KLF12: variants seen among roughly 807,000 people sequenced by gnomAD.
KLF12 encodes the protein KLF transcription factor 12.
KLF12 carries 9 observed loss-of-function variants against 37.8 expected under a neutral mutation model. The observed-to-expected ratio is 0.24, with a 90% confidence interval of 0.14 to 0.42. The LOEUF (loss-of-function observed/expected upper bound fraction) is 0.42. Ranked by LOEUF, KLF12 falls within the 10% of genes least tolerant of loss-of-function variation. The pLI is 1.00. For missense variants in KLF12, 411 were observed against 516.0 expected, an observed-to-expected ratio of 0.80 and a Z score of 1.97; for synonymous variants, 208 against 202.1, an observed-to-expected ratio of 1.03 and a Z score of -0.25.
At chr13:73,761,835 G>A (rs1879577128) in intron 6 of KLF12, among the ~76,000 whole-genome samples, 3 of 152,284 alleles carry the variant, frequency 2.0e-5, no homozygotes, top group South Asian at 4.1e-4. Context: ...AGGAAGGCAT[G>A]CTCACTTCCA....
At chr13:73,907,499 T>G (rs1052881323) in intron 3 of KLF12, among the ~76,000 whole-genome samples, 1 of 152,138 alleles carries the variant, frequency 6.6e-6, no homozygotes, top group Admixed American at 6.5e-5. Context: ...ATTTGTCCAC[T>G]CTCCTCAGCT....
chr13:73,842,825 C>A (rs1475901038), intron 4 of KLF12, among the ~76,000 whole-genome samples: 1 of 151,684 alleles, frequency 6.6e-6, no homozygotes, highest in Non-Finnish European at 1.5e-5. Flanking sequence ...ACTGGCTCAC[C>A]GCCCAGCTGC....
chr13:74,217,481 C>T, the KLF12 span, among the ~76,000 whole-genome samples: 2 of 152,018 alleles, frequency 1.3e-5, no homozygotes, highest in East Asian at 1.9e-4. Context: ...GCAATCCTAG[C>T]ACTTTGGGAG....
At chr13:74,189,535 C>A in the KLF12 span, among the ~76,000 whole-genome samples, 1 of 152,188 alleles carries the variant, frequency 6.6e-6, no homozygotes, top group Non-Finnish European at 1.5e-5. Flanking sequence ...CCTCTGCTAA[C>A]TGTGGGAAGA....
chr13:73,708,663 A>G (rs1052977216), intron 7 of KLF12, among the ~76,000 whole-genome samples: 1 of 152,178 alleles, frequency 6.6e-6, no homozygotes, highest in Admixed American at 6.5e-5. Flanking sequence ...TTTATTTTTT[A>G]GAAAATAGTG....
intron 1 of KLF12, among the ~76,000 whole-genome samples, chr13:74,025,834 T>C (rs1254489537): frequency 6.6e-6 from 1 of 152,210 alleles, no homozygotes; most frequent in African/African-American, 2.4e-5. Context: ...AGCTAAATGA[T>C]GAGCCCAGGT....
chr13:74,208,515 G>A, the KLF12 span, among the ~76,000 whole-genome samples: 10 of 152,102 alleles, frequency 6.6e-5, no homozygotes, highest in Admixed American at 5.9e-4. Context: ...TATTATAATA[G>A]CAAGTAAATT....
At chr13:74,089,206 A>T (rs917533243) in intron 1 of KLF12, among the ~76,000 whole-genome samples, 3 of 152,196 alleles carry the variant, frequency 2.0e-5, no homozygotes, top group African/African-American at 7.2e-5. Flanking sequence ...CACAGAGTCA[A>T]GGAAAACTTC....
intron 1 of KLF12, among the ~76,000 whole-genome samples, chr13:74,007,101 C>T (rs1593824800): frequency 5.9e-5 from 9 of 152,128 alleles, no homozygotes; most frequent in Admixed American, 5.9e-4. Flanking sequence ...CATCTCCTCA[C>T]GTAGACACAA....
At chr13:73,949,212 T>C (rs1290393835) in intron 2 of KLF12, among the ~76,000 whole-genome samples, 1 of 152,160 alleles carries the variant, frequency 6.6e-6, no homozygotes, top group Non-Finnish European at 1.5e-5. Flanking sequence ...CTCACTTACC[T>C]TTCTCTATAT....
At chr13:73,784,631 C>CTTT (rs555038538) in intron 5 of KLF12, among the ~76,000 whole-genome samples, 3 of 136,840 alleles carry the variant, frequency 2.2e-5, no homozygotes, top group African/African-American at 5.5e-5. Flanking sequence ...TCCTCATCTC[C>CTTT]TTTTTTTTTT....
intron 1 of KLF12, among the ~76,000 whole-genome samples, chr13:74,051,341 A>AACAC (rs10678885): frequency 0.31 from 44,576 of 143,538 alleles, 6,871 homozygotes; most frequent in Non-Finnish European, 0.34. Context: ...TACACACACA[A>AACAC]ACACACACAC....
chr13:74,183,581 C>T, the KLF12 span, among the ~76,000 whole-genome samples: 3 of 151,820 alleles, frequency 2.0e-5, no homozygotes, highest in Admixed American at 6.6e-5. Flanking sequence ...TTCCCTGCTT[C>T]AGGATAATTT....
chr13:73,792,310 T>C (rs1259848345), intron 5 of KLF12, among the ~76,000 whole-genome samples: 1 of 152,234 alleles, frequency 6.6e-6, no homozygotes, highest in Non-Finnish European at 1.5e-5. Flanking sequence ...TTATAATAAA[T>C]GTATTTTATA....
chr13:73,735,582 G>C lies in KLF12; in HGVS notation c.870-20057C>G, dbSNP rs193054007. The stretch of plus-strand genomic sequence containing the variant: ...CACTCCAGCTGTGGGAACCACCTGA[G>C]CATTGGCCTAAAAACAAAAAGGAGT... On this transcript the variant is annotated intron_variant, in intron 6 of 7. Transcript: ENST00000377669. 3.3e-5 allele frequency among the ~76,000 whole-genome samples: 5 copies of C among 152,202 alleles called. No individual in the cohort carries two copies. The East Asian group carries it at 5.8e-4, about 18-fold the overall frequency.
At chr13:74,016,759 G>A (rs758995925) in intron 1 of KLF12, among the ~76,000 whole-genome samples, 32 of 152,112 alleles carry the variant, frequency 2.1e-4, no homozygotes, top group Non-Finnish European at 3.8e-4. Flanking sequence ...TTAAGACTCA[G>A]CAATTCTACT....
the KLF12 span, among the ~76,000 whole-genome samples, chr13:74,142,041 A>T: frequency 6.6e-6 from 1 of 152,370 alleles, no homozygotes; most frequent in Non-Finnish European, 1.5e-5. Context: ...ATTAACTCAT[A>T]AACTACAAAA....
chr13:74,246,690 G>A, the KLF12 span, among the ~76,000 whole-genome samples: 88 of 152,302 alleles, frequency 5.8e-4, no homozygotes, highest in Non-Finnish European at 1.1e-3. Context: ...CCTCAGTGGC[G>A]TTTCCATCAG....
At chr13:74,257,612 A>C in the KLF12 span, 3 of 152,188 alleles carry the variant, frequency 2.0e-5, no homozygotes, top group African/African-American at 7.2e-5. Flanking sequence ...CCTTGGCACA[A>C]GGACATGATT....
Sources: gnomAD v4.1 joint callset for allele counts (sites outside exome capture counted in the v4.1 genomes callset) on GRCh38, gnomAD v4.1.1 for gene constraint, MANE v1.5 for transcripts, NCBI Gene and HGNC (gene_info 2026-07-23, HGNC 2026-07-21) for gene names.